Variants in PHC2 observed in about 807,000 individuals in gnomAD.
The protein encoded by PHC2 is polyhomeotic-like protein 2.
A neutral mutation model predicts 87.4 loss-of-function variants in PHC2; 29 were observed. The ratio of observed to expected loss-of-function variants is 0.33; its 90% CI spans 0.25 to 0.45. The LOEUF is 0.45. PHC2 is among the 20% of genes least tolerant of loss of function. The pLI is 1.00. For synonymous variants in PHC2, 438 were observed against 461.7 expected (o/e 0.95, Z 0.66); for missense variants, 857 against 1,136.7 (o/e 0.75, Z 3.54).
chr1:33,386,048 C>T (rs541456755), intron 1 of PHC2, among the ~76,000 whole-genome samples: 3 of 151,876 alleles, frequency 2.0e-5, no homozygotes, highest in Non-Finnish European at 2.9e-5. Context: ...CCACCTGCCT[C>T]GGCCTCCCAA....
rs1323563938 is a variant in PHC2, at chr1:33,347,672, G to A, written c.1558+6729C>T. The A allele has an allele frequency of 5.1e-6, 5 of 985,328 alleles. No homozygotes were observed. In the Admixed American group the frequency reaches 3.1e-4, roughly 61 times the overall value. 61.0% of individuals were successfully genotyped at this position (985,328 alleles called of 1,614,324 possible). ...ACTAAGAAACTACCCCCTTTCTCAAGATTCAGGCTGGAGGAAAAAGATGTC... is the reference window on the plus strand; with the variant it reads ...ACTAAGAAACTACCCCCTTTCTCAAAATTCAGGCTGGAGGAAAAAGATGTC... On this transcript the variant is annotated intron_variant, in intron 9 of 14. Transcript: ENST00000683057.
intron 9 of PHC2, chr1:33,347,868 A>C (rs1279064178): frequency 2.1e-5 from 6 of 282,390 alleles, no homozygotes; most frequent in Non-Finnish European, 3.2e-5. Context: ...GCCAAGCCAG[A>C]GGCCCCAGTT....
Position 33,330,124 on chromosome 1 carries a change from G to A in PHC2, c.2095C>T (p.Arg699Cys), listed in dbSNP as rs775270874. 10 of 1,614,058 alleles carry A rather than the reference G, an allele frequency of 6.2e-6. No homozygotes were observed. In the East Asian group the frequency reaches 1.1e-4, roughly 18 times the overall value. ...QKAGAATHNR[R>C]RASKASLPPL... is the part of the protein sequence containing the mutation. The stretch of plus-strand genomic sequence containing the variant: ...GGCAGACTGGCTTTGCTGGCCCGAC[G>A]GCGGTTGTGGGTCGCAGCTCCTGCC... The change falls in exon 13 of 15, where the codon CGT becomes TGT. Residue 699 changes from arginine to cysteine, a missense_variant. Physicochemically the swap from Arg to Cys is radical, Grantham distance 180. This residue lies in a region of PHC2 where 832 missense variants were observed against 1,081.8 expected (regional missense o/e 0.77). Coordinates refer to ENST00000683057, the MANE Select transcript of PHC2 (RefSeq NM_001385109.1).
At chr1:33,347,719 A>G in intron 9 of PHC2, 8 of 985,470 alleles carry the variant, frequency 8.1e-6, no homozygotes, top group Non-Finnish European at 9.6e-6. Context: ...GTGTGCATGG[A>G]CGAGCCTGGA....
intron 1 of PHC2, among the ~76,000 whole-genome samples, chr1:33,430,051 C>A (rs1650837483): frequency 6.6e-6 from 1 of 152,114 alleles, no homozygotes; most frequent in Non-Finnish European, 1.5e-5. Context: ...CACTGTGAGC[C>A]TAAAGCTGCC....
intron 9 of PHC2, among the ~76,000 whole-genome samples, chr1:33,337,153 G>C (rs956605482): frequency 3.3e-5 from 5 of 152,164 alleles, no homozygotes; most frequent in African/African-American, 9.7e-5. Context: ...ATTCCCTGAT[G>C]AGTCTAATGA....
At chr1:33,411,850 G>A (rs1020265959) in intron 1 of PHC2, among the ~76,000 whole-genome samples, 3 of 152,000 alleles carry the variant, frequency 2.0e-5, no homozygotes, top group African/African-American at 4.8e-5. Context: ...TGAGCCATTC[G>A]CACCGGGCCT....
chr1:33,345,756 C>T, intron 9 of PHC2: 1 of 985,040 alleles, frequency 1.0e-6, no homozygotes, highest in Non-Finnish European at 1.2e-6. Flanking sequence ...CTTGGATATG[C>T]AAATGGTTGA....
intron 7 of PHC2, among the ~76,000 whole-genome samples, chr1:33,356,293 ATT>A (rs1491149948): frequency 3.6e-4 from 50 of 140,352 alleles, no homozygotes; most frequent in Middle Eastern, 3.7e-3. Flanking sequence ...ATATATATAT[ATT>A]TATTTATTTA....
chr1:33,346,826 T>C (rs1646853192), intron 9 of PHC2: 1 of 985,168 alleles, frequency 1.0e-6, no homozygotes, highest in Admixed American at 6.2e-5. Context: ...CTTTACACAT[T>C]CACAATAGAG....
At chr1:33,357,310 G>A (rs976493608) in intron 7 of PHC2, among the ~76,000 whole-genome samples, 1 of 152,234 alleles carries the variant, frequency 6.6e-6, no homozygotes, top group African/African-American at 2.4e-5. Context: ...TTCAAACTGA[G>A]TTAGGGGAGG....
At chr1:33,372,605 A>G (rs1257232669) in intron 2 of PHC2, among the ~76,000 whole-genome samples, 158 bp from the exon 3 acceptor site, 1 of 144,112 alleles carries the variant, frequency 6.9e-6, no homozygotes, top group Non-Finnish European at 1.5e-5. Context: ...TCTCTAGGGC[A>G]GTGGGAGGAC....
intron 1 of PHC2, among the ~76,000 whole-genome samples, chr1:33,421,660 T>C (rs923105607): frequency 2.0e-5 from 3 of 152,222 alleles, no homozygotes; most frequent in Non-Finnish European, 4.4e-5. Context: ...AATAAAACAC[T>C]GCAAGCAACT....
chr1:33,346,230 G>T (rs1215830144), intron 9 of PHC2: 10 of 984,738 alleles, frequency 1.0e-5, no homozygotes, highest in Non-Finnish European at 1.2e-5. Flanking sequence ...GGGGACTGGG[G>T]GGAGGTGGGG....
chr1:33,424,758 T>G (rs1346821708), intron 1 of PHC2, among the ~76,000 whole-genome samples: 1 of 152,182 alleles, frequency 6.6e-6, no homozygotes, highest in Non-Finnish European at 1.5e-5. Context: ...ATATTATTAG[T>G]TAGGACGATC....
chr1:33,423,730 C>T (rs17475424), intron 1 of PHC2, among the ~76,000 whole-genome samples: 26,188 of 152,172 alleles, frequency 0.17, 2,778 homozygotes, highest in South Asian at 0.27. Flanking sequence ...AGGTGTAATG[C>T]AGTACTTTCA....
chr1:33,337,523 G>T (rs942306834), intron 9 of PHC2, among the ~76,000 whole-genome samples: 7 of 152,198 alleles, frequency 4.6e-5, no homozygotes, highest in Admixed American at 1.3e-4. Context: ...GCAAGTCATT[G>T]TCCCTCTCTA....
In PHC2 at chr1:33,331,466, A is replaced by C. The variant is rs764361990; in HGVS notation, c.1892-4T>G. On this transcript the variant is annotated splice_polypyrimidine_tract_variant and splice_region_variant and intron_variant, in intron 11 of 14. Coordinates refer to ENST00000683057, the MANE Select transcript of PHC2 (RefSeq NM_001385109.1). The surrounding 1 kb of genome is among the most constrained non-coding windows in gnomAD (Gnocchi z 5.2). ...GGAGCACCCTCCTCTTTGGATTCTG[A>C]AAAGTATAGAAATGGGTAGGGTGGA... is the stretch of plus-strand genomic sequence containing the variant. 4 of 1,536,250 alleles carry C rather than the reference A, an allele frequency of 2.6e-6. No homozygotes were observed. The highest frequency in any genetic ancestry group is 1.4e-5 in the African/African-American group (1 of 73,292).
intron 9 of PHC2, among the ~76,000 whole-genome samples, chr1:33,350,177 CCT>C (rs1299073883): frequency 6.6e-6 from 1 of 151,946 alleles, no homozygotes; most frequent in Non-Finnish European, 1.5e-5. Context: ...CCGTTCACTC[CCT>C]GAGGGGCCTG....
Sources: gnomAD v4.1 joint callset for allele counts (sites outside exome capture counted in the v4.1 genomes callset) on GRCh38, gnomAD v4.1.1 for gene constraint, gnomAD v4.1.1 regional missense constraint, Gnocchi (gnomAD v3.1) non-coding constraint, MANE v1.5 for transcripts, NCBI Gene and HGNC (gene_info 2026-07-23, HGNC 2026-07-21) for gene names.